The following CDK14 variants were observed in gnomAD, a reference collection of about 807,000 sequenced individuals.
CDK14 encodes cyclin-dependent kinase 14.
CDK14 carries 34 observed loss-of-function variants against 60.7 expected under a neutral mutation model. That is an observed-to-expected ratio of 0.56 (90% CI 0.43 to 0.75). The LOEUF (loss-of-function observed/expected upper bound fraction) is 0.75, where lower values mean the gene tolerates loss of function less well. Among genes scored for constraint, CDK14 ranks in the 30% least tolerant of loss-of-function variants. CDK14 has a pLI of 0.00. For synonymous variants in CDK14, 197 were observed against 203.7 expected (o/e 0.97, Z 0.28); for missense variants, 482 against 564.1 (o/e 0.85, Z 1.47).
chr7:90,617,204 C>T (rs1193193465), intron 2 of CDK14, among the ~76,000 whole-genome samples: 5 of 151,750 alleles, frequency 3.3e-5, no homozygotes, highest in Non-Finnish European at 1.5e-5. Context: ...AAAGGAAATA[C>T]AACAAATGGA....
chr7:91,146,484 A>C (rs1800643994), intron 14 of CDK14, among the ~76,000 whole-genome samples: 1 of 152,160 alleles, frequency 6.6e-6, no homozygotes, highest in South Asian at 2.1e-4. Context: ...CACAGGCGTG[A>C]GCCACCGTGC....
intron 2 of CDK14, among the ~76,000 whole-genome samples, chr7:90,611,369 C>G (rs1457247843): frequency 6.6e-6 from 1 of 152,186 alleles, no homozygotes; most frequent in East Asian, 1.9e-4. Flanking sequence ...GAAGTTTCTG[C>G]CGCTATGTCT....
At chr7:91,130,028 C>A (rs1451819677) in intron 14 of CDK14, among the ~76,000 whole-genome samples, 1 of 151,990 alleles carries the variant, frequency 6.6e-6, no homozygotes, top group Non-Finnish European at 1.5e-5. Context: ...TACAATTAAC[C>A]CTTAAGAAAC....
chr7:90,930,175 C>T (rs1396550863), intron 8 of CDK14, among the ~76,000 whole-genome samples: 1 of 150,600 alleles, frequency 6.6e-6, no homozygotes, highest in Admixed American at 6.6e-5. Flanking sequence ...CTTTAAATCT[C>T]AAGAGTAAAC....
chr7:90,904,547 G>C (rs1792630286), intron 7 of CDK14, among the ~76,000 whole-genome samples: 2 of 151,872 alleles, frequency 1.3e-5, no homozygotes, highest in African/African-American at 4.8e-5. Flanking sequence ...GAAGAAATTT[G>C]CCAGAAAATA....
At chr7:90,798,802 G>T (rs537111155) in intron 5 of CDK14, among the ~76,000 whole-genome samples, 1 of 152,154 alleles carries the variant, frequency 6.6e-6, no homozygotes, top group African/African-American at 2.4e-5. Flanking sequence ...AAGTTCAGGC[G>T]CTTTGAAACT....
intron 10 of CDK14, among the ~76,000 whole-genome samples, chr7:91,040,724 G>C (rs1360752466): frequency 6.6e-6 from 1 of 152,158 alleles, no homozygotes; most frequent in African/African-American, 2.4e-5. Flanking sequence ...CTTTGTTAGA[G>C]ACCTCTCGGT....
chr7:90,627,560 C>A (rs892204736), intron 2 of CDK14, among the ~76,000 whole-genome samples: 2 of 152,078 alleles, frequency 1.3e-5, no homozygotes, highest in Non-Finnish European at 2.9e-5. Flanking sequence ...AAAAGCATTG[C>A]GTTATACTGG....
chr7:90,832,913 G>T (rs1192420206), intron 5 of CDK14, among the ~76,000 whole-genome samples: 1 of 152,206 alleles, frequency 6.6e-6, no homozygotes, highest in Non-Finnish European at 1.5e-5. Context: ...TAGGGCCTTG[G>T]TGAATGTTTC....
chr7:90,796,635 C>G (rs1247019557), intron 5 of CDK14, among the ~76,000 whole-genome samples: 1 of 152,044 alleles, frequency 6.6e-6, no homozygotes, highest in African/African-American at 2.4e-5. Flanking sequence ...GGAATTAAGG[C>G]TCAGAGGGGT....
chr7:90,930,529 CTTTTTT>C (rs61187542), intron 8 of CDK14, among the ~76,000 whole-genome samples: 2 of 81,386 alleles, frequency 2.5e-5, no homozygotes, highest in South Asian at 4.4e-4. Flanking sequence ...ACAGGCTAAG[CTTTTTT>C]TTTTTTTTTT....
intron 12 of CDK14, among the ~76,000 whole-genome samples, chr7:91,108,746 T>C (rs765500819): frequency 6.6e-6 from 1 of 152,200 alleles, no homozygotes; most frequent in Non-Finnish European, 1.5e-5. Context: ...TTTCGTGCTA[T>C]TATGAAAACC....
intron 2 of CDK14, among the ~76,000 whole-genome samples, chr7:90,679,143 G>C (rs967647492): frequency 6.6e-6 from 1 of 152,066 alleles, no homozygotes; most frequent in East Asian, 1.9e-4. Flanking sequence ...GTAGAGATGA[G>C]GTCTTGGTAT....
chr7:90,761,102 T>C (rs1414436066), intron 4 of CDK14, among the ~76,000 whole-genome samples: 2 of 152,242 alleles, frequency 1.3e-5, no homozygotes, highest in Non-Finnish European at 2.9e-5. Context: ...ACAGTGAGGA[T>C]ATTGTTTAAG....
At chr7:90,887,685 A>G (rs1370736222) in intron 6 of CDK14, among the ~76,000 whole-genome samples, 4 of 152,156 alleles carry the variant, frequency 2.6e-5, no homozygotes, top group Admixed American at 6.5e-5. Context: ...TGTATTTTGC[A>G]TTGTAAAATC....
chr7:90,899,205 G>A, intron 6 of CDK14, 86 bp from the exon 7 acceptor site: 1 of 1,058,140 alleles, frequency 9.5e-7, no homozygotes, highest in Admixed American at 2.5e-5. Context: ...TGTTCAGAAG[G>A]TAATGGTGAG....
At chr7:90,847,790 A>G (rs546797412) in intron 5 of CDK14, among the ~76,000 whole-genome samples, 26 of 152,200 alleles carry the variant, frequency 1.7e-4, no homozygotes, top group Non-Finnish European at 3.5e-4. Context: ...TGAAATGACC[A>G]TTCTTATTAA....
chr7:91,018,611 GC>G lies in CDK14; in HGVS notation c.1042-27284del, dbSNP rs1340781280. Among the ~76,000 whole-genome samples the G allele has an allele frequency of 1.6e-4, 25 of 152,294 alleles. 1 individual carries two copies. The highest frequency in any genetic ancestry group is 1.5e-3 in the South Asian group (7 of 4,822). ...TGTAATCCCCAGTGTGAGAGGAGGGGCCTGGCAGGAGGTGATTGGATCATGG... is the reference window on the plus strand; with the variant it reads ...TGTAATCCCCAGTGTGAGAGGAGGGGCTGGCAGGAGGTGATTGGATCATGG... On this transcript the variant is annotated intron_variant, in intron 10 of 14. Transcript: ENST00000380050.
chr7:90,886,375 A>C (rs1194548294), intron 6 of CDK14, among the ~76,000 whole-genome samples: 1 of 152,204 alleles, frequency 6.6e-6, no homozygotes, highest in Non-Finnish European at 1.5e-5. Flanking sequence ...TATTTTACCC[A>C]AAATTCTCAA....
Sources: gnomAD v4.1 joint callset for allele counts (sites outside exome capture counted in the v4.1 genomes callset) on GRCh38, gnomAD v4.1.1 for gene constraint, MANE v1.5 for transcripts, NCBI Gene and HGNC (gene_info 2026-07-23, HGNC 2026-07-21) for gene names.